Variants in SASH1 observed in about 807,000 individuals in gnomAD.
SASH1 encodes the protein SAM and SH3 domain-containing protein 1.
In SASH1, 44 loss-of-function variants were observed where a neutral mutation model predicts 125.2. That is an observed-to-expected ratio of 0.35 (90% CI 0.28 to 0.45). The LOEUF (loss-of-function observed/expected upper bound fraction) is 0.45, where lower values mean the gene tolerates loss of function less well. Ranked by LOEUF, SASH1 falls within the 20% of genes least tolerant of loss-of-function variation. SASH1 has a pLI of 1.00. For synonymous variants in SASH1, 639 were observed against 649.1 expected, an observed-to-expected ratio of 0.98 and a Z score of 0.24; for missense variants, 1,426 against 1,614.5, an observed-to-expected ratio of 0.88 and a Z score of 2.00.
At chr6:148,478,287 A>G (rs944726634) in intron 7 of SASH1, among the ~76,000 whole-genome samples, 1 of 152,212 alleles carries the variant, frequency 6.6e-6, no homozygotes, top group African/African-American at 2.4e-5. Flanking sequence ...GTGTCCATCA[A>G]CAGATGAATG....
At chr6:148,398,108 G>C (rs1784030855) in intron 2 of SASH1, among the ~76,000 whole-genome samples, 1 of 152,140 alleles carries the variant, frequency 6.6e-6, no homozygotes, top group Non-Finnish European at 1.5e-5. Context: ...AATGGAGGGA[G>C]GGGTAAATGT....
chr6:148,541,692 T>C (rs1782227230), intron 17 of SASH1, among the ~76,000 whole-genome samples: 1 of 152,148 alleles, frequency 6.6e-6, no homozygotes, highest in Non-Finnish European at 1.5e-5. Context: ...GTGCTCACTC[T>C]CGGGTACCAG....
chr6:148,264,323 G>T, the SASH1 span, among the ~76,000 whole-genome samples: 1 of 152,124 alleles, frequency 6.6e-6, no homozygotes, highest in African/African-American at 2.4e-5. Context: ...GAAGGATTAG[G>T]TTCATAGAAG....
intron 2 of SASH1, among the ~76,000 whole-genome samples, chr6:148,432,096 C>T (rs1191098785): frequency 6.6e-6 from 1 of 152,036 alleles, no homozygotes; most frequent in Admixed American, 6.5e-5. Context: ...ATGCCTCAGC[C>T]TCCCAAGCAG....
chr6:148,277,427 G>A (rs2078334330), intron 1 of SASH1, among the ~76,000 whole-genome samples: 1 of 152,248 alleles, frequency 6.6e-6, no homozygotes, highest in African/African-American at 2.4e-5. Flanking sequence ...TCTATTGAGA[G>A]TGCCAGGAAA....
chr6:148,532,845 G>A lies in SASH1; in HGVS notation c.1613G>A (p.Ser538Asn). The A allele has an allele frequency of 6.2e-7, 1 of 1,614,244 alleles. No homozygotes were observed. Among genetic ancestry groups the A allele is most frequent in the South Asian group, 1.1e-5 (1 of 91,086 alleles). ...TTDSSTSNRE[S>N]VKSEDGDDEE... is the part of the protein sequence containing the mutation. ...GATTCCTCAACCAGCAACCGGGAAA[G>A]CGTCAAGTCGGAAGATGGGGATGAC... is the stretch of plus-strand genomic sequence containing the variant. The change falls in exon 14 of 20, where the codon AGC becomes AAC. Residue 538 changes from serine to asparagine, a missense_variant. Around this residue, in one of 3 missense-constraint regions of SASH1, gnomAD observed 225 missense variants for 344.5 expected, o/e 0.65. Transcript: ENST00000367467. The surrounding 1 kb of genome is among the most constrained non-coding windows in gnomAD (Gnocchi z 4.7).
chr6:148,204,063 C>T, the SASH1 span, among the ~76,000 whole-genome samples: 1 of 152,222 alleles, frequency 6.6e-6, no homozygotes, highest in African/African-American at 2.4e-5. Context: ...CGGCTTCCTA[C>T]ACTGCTGAAC....
At chr6:148,337,130 C>T (rs1032791704) in intron 1 of SASH1, among the ~76,000 whole-genome samples, 6 of 152,240 alleles carry the variant, frequency 3.9e-5, no homozygotes, top group African/African-American at 1.4e-4. Flanking sequence ...GCAATCTCGG[C>T]TCACTGCAAC....
chr6:148,222,794 C>A, the SASH1 span, among the ~76,000 whole-genome samples: 1 of 151,934 alleles, frequency 6.6e-6, no homozygotes, highest in African/African-American at 2.4e-5. Flanking sequence ...CTCTCTCTCT[C>A]TCTCTCTCTC....
chr6:148,303,918 C>G (rs1056484281), intron 1 of SASH1, among the ~76,000 whole-genome samples: 1 of 151,634 alleles, frequency 6.6e-6, no homozygotes, highest in Non-Finnish European at 1.5e-5. Context: ...TGCAATATAC[C>G]AAAACTTATA....
At position 148,426,284 on chromosome 6, in the gene SASH1, G is replaced by GTGTGCAGTGCGCTCTCAT. The variant is rs542990060; in HGVS notation, c.286-13896_286-13879dup. On this transcript the variant is annotated intron_variant, in intron 2 of 19. Coordinates refer to ENST00000367467, the MANE Select transcript of SASH1 (RefSeq NM_015278.5). ...TTTAAAATTTTCTCAGTTTCTCCTA[G>GTGTGCAGTGCGCTCTCAT]TGTGCAGTGCGCTCTCATTGTCAGG... Among the ~76,000 whole-genome samples, 330 of 152,160 alleles carry GTGTGCAGTGCGCTCTCAT rather than the reference G, an allele frequency of 2.2e-3. 2 individuals carry two copies. Among genetic ancestry groups the GTGTGCAGTGCGCTCTCAT allele is most frequent in the African/African-American group, 7.6e-3 (317 of 41,514 alleles).
chr6:148,525,240 G>A (rs566429418), intron 10 of SASH1, 51 bp from the exon 11 acceptor site: 23 of 1,439,040 alleles, frequency 1.6e-5, no homozygotes, highest in Admixed American at 5.0e-5. Context: ...GTGCACTGCC[G>A]GCTGGCTTAA....
the SASH1 span, among the ~76,000 whole-genome samples, chr6:148,199,407 A>T: frequency 4.6e-5 from 7 of 151,632 alleles, no homozygotes; most frequent in African/African-American, 1.7e-4. Context: ...CTTGGCTATA[A>T]GGCCTCACTC....
chr6:148,315,548 A>G (rs67737624), intron 1 of SASH1, among the ~76,000 whole-genome samples: 24,450 of 152,050 alleles, frequency 0.16, 2,101 homozygotes, highest in East Asian at 0.32. Context: ...TATAAATTCA[A>G]ACTTTCTTAA....
intron 2 of SASH1, among the ~76,000 whole-genome samples, chr6:148,415,907 G>A (rs942484748): frequency 1.3e-5 from 2 of 152,214 alleles, no homozygotes; most frequent in Admixed American, 6.5e-5. Flanking sequence ...TTAGGGACCT[G>A]CTCTCATTAA....
chr6:148,271,026 C>CCCAAGTGATTCTCCTGT (rs1277196626), upstream of SASH1, among the ~76,000 whole-genome samples: 1 of 151,588 alleles, frequency 6.6e-6, no homozygotes, highest in Non-Finnish European at 1.5e-5. Context: ...TCTCCTGTCT[C>CCCAAGTGATTCTCCTGT]AGCCTCCCAA....
chr6:148,203,151 T>C, the SASH1 span, among the ~76,000 whole-genome samples: 1 of 152,236 alleles, frequency 6.6e-6, no homozygotes, highest in Non-Finnish European at 1.5e-5. Flanking sequence ...GAGCTGGAAG[T>C]ATGCTTCAGA....
chr6:148,467,836 C>T (rs559745537), intron 4 of SASH1, among the ~76,000 whole-genome samples: 10 of 152,244 alleles, frequency 6.6e-5, no homozygotes, highest in African/African-American at 9.6e-5. Flanking sequence ...ACTTGGGAGG[C>T]TGAGACAGGA....
At chr6:148,260,771 A>T in the SASH1 span, among the ~76,000 whole-genome samples, 640 of 146,826 alleles carry the variant, frequency 4.4e-3, 7 homozygotes, top group African/African-American at 0.015. Context: ...AATCTGCATA[A>T]TGTTTGGTAA....
Sources: gnomAD v4.1 joint callset for allele counts (sites outside exome capture counted in the v4.1 genomes callset) on GRCh38, gnomAD v4.1.1 for gene constraint, gnomAD v4.1.1 regional missense constraint, Gnocchi (gnomAD v3.1) non-coding constraint, MANE v1.5 for transcripts, NCBI Gene and HGNC (gene_info 2026-07-23, HGNC 2026-07-21) for gene names.